GSDMC: variants seen among roughly 807,000 people sequenced by gnomAD.
GSDMC encodes the protein gasdermin-C.
A neutral mutation model predicts 58.0 loss-of-function variants in GSDMC; 59 were observed. The ratio of observed to expected loss-of-function variants is 1.02; its 90% CI spans 0.82 to 1.26. The LOEUF (loss-of-function observed/expected upper bound fraction) is 1.26, where lower values mean the gene tolerates loss of function less well. Among genes scored for constraint, GSDMC ranks in the 50% most tolerant of loss-of-function variants. GSDMC has a pLI of 0.00. For synonymous variants in GSDMC, 241 were observed against 220.2 expected (o/e 1.09, Z -0.83); for missense variants, 659 against 598.5 (o/e 1.10, Z -1.06).
At chr8:129,748,829 T>A in intron 13 of GSDMC, 89 bp from the exon 14 acceptor site, 1 of 1,105,890 alleles carries the variant, frequency 9.0e-7, no homozygotes, top group Non-Finnish European at 1.2e-6. Flanking sequence ...CCATGCAGGA[T>A]AATAAAAGGA....
chr8:129,743,396 T>C (rs1263227818), downstream of GSDMC, among the ~76,000 whole-genome samples: 4 of 152,236 alleles, frequency 2.6e-5, no homozygotes, highest in Non-Finnish European at 5.9e-5. Context: ...TCACACATGA[T>C]ATTTTTTAGC....
chr8:129,752,863 T>C lies in GSDMC; in HGVS notation c.722-43A>G, dbSNP rs965626447. 13 of 1,613,178 alleles carry C rather than the reference T, an allele frequency of 8.1e-6. 1 individual carries two copies. The Admixed American group carries it at 1.5e-4, about 19-fold the overall frequency. On this transcript the variant is annotated intron_variant, in intron 6 of 13. Coordinates refer to ENST00000276708, the MANE Select transcript of GSDMC (RefSeq NM_031415.3). ...GCAGAATGACTGGGTAACTTTACAT[T>C]GAACTCAGTACTGCCTTGTCATAGC... is the stretch of plus-strand genomic sequence containing the variant.
At chr8:129,729,859 C>A in the GSDMC span, 3 of 849,036 alleles carry the variant, frequency 3.5e-6, no homozygotes, top group Middle Eastern at 3.4e-4. Flanking sequence ...ATGCTAGCAC[C>A]ATGACTGTAA....
downstream of GSDMC, among the ~76,000 whole-genome samples, chr8:129,745,136 T>A (rs1442654795): frequency 2.0e-5 from 3 of 152,250 alleles, no homozygotes; most frequent in African/African-American, 7.2e-5. Context: ...AAGTTATCAA[T>A]GACCTCAATG....
At chr8:129,767,997 C>T (rs2033924479) in intron 3 of GSDMC, among the ~76,000 whole-genome samples, 1 of 152,090 alleles carries the variant, frequency 6.6e-6, no homozygotes, top group African/African-American at 2.4e-5. Flanking sequence ...CAGTCAAAAT[C>T]CCCACCCTAT....
chr8:129,742,072 T>C, the GSDMC span, among the ~76,000 whole-genome samples: 1 of 151,254 alleles, frequency 6.6e-6, no homozygotes, highest in Non-Finnish European at 1.5e-5. Context: ...CTCACTTATA[T>C]GAAAAATTTT....
the GSDMC span, among the ~76,000 whole-genome samples, chr8:129,737,119 C>T: frequency 6.6e-6 from 1 of 152,122 alleles, no homozygotes; most frequent in Non-Finnish European, 1.5e-5. Flanking sequence ...AACTACAAAC[C>T]ACTGCTCAAT....
At chr8:129,776,738 C>CTGCTGTTGTTGTTGTTGTTGT (rs774217991) in intron 2 of GSDMC, among the ~76,000 whole-genome samples, 56 of 151,016 alleles carry the variant, frequency 3.7e-4, no homozygotes, top group African/African-American at 1.3e-3. Context: ...TTGGTTTTTG[C>CTGCTGTTGTTGTTGTTGTTGT]TGTTGTTGTT....
chr8:129,760,793 C>A (rs1475638948), intron 5 of GSDMC, among the ~76,000 whole-genome samples: 1 of 152,212 alleles, frequency 6.6e-6, no homozygotes, highest in Admixed American at 6.5e-5. Flanking sequence ...TGCCATCCAA[C>A]TTTTGGAAAT....
At chr8:129,771,709 A>T (rs2034054179) in intron 3 of GSDMC, among the ~76,000 whole-genome samples, 1 of 152,108 alleles carries the variant, frequency 6.6e-6, no homozygotes, top group South Asian at 2.1e-4. Flanking sequence ...TCCAATAACA[A>T]TGGCACAAAA....
chr8:129,735,089 T>A, the GSDMC span, among the ~76,000 whole-genome samples: 1 of 152,148 alleles, frequency 6.6e-6, no homozygotes, highest in Non-Finnish European at 1.5e-5. Flanking sequence ...AGGGATCAAT[T>A]CAACAAGAAG....
At chr8:129,732,654 T>C in the GSDMC span, among the ~76,000 whole-genome samples, 239 of 152,238 alleles carry the variant, frequency 1.6e-3, 1 homozygote, top group African/African-American at 5.3e-3. Flanking sequence ...CAGGACAAGG[T>C]TGAAAATCAA....
At chr8:129,713,332 C>A in the GSDMC span, among the ~76,000 whole-genome samples, 1 of 152,108 alleles carries the variant, frequency 6.6e-6, no homozygotes, top group South Asian at 2.1e-4. Context: ...GCAGGAGCCC[C>A]AAGAATGGTG....
intron 5 of GSDMC, among the ~76,000 whole-genome samples, chr8:129,762,006 A>G (rs2130441381): frequency 6.6e-6 from 1 of 152,306 alleles, no homozygotes; most frequent in Admixed American, 6.5e-5. Flanking sequence ...AAGGGAGAAA[A>G]CAAGGACTCT....
At chr8:129,753,639 C>T (rs2033311545) in intron 6 of GSDMC, among the ~76,000 whole-genome samples, 1 of 152,172 alleles carries the variant, frequency 6.6e-6, no homozygotes, top group Admixed American at 6.5e-5. Flanking sequence ...GGAGGCTTTG[C>T]CTTGCATCTT....
Position 129,762,633 on chromosome 8 carries a change from C to T in GSDMC, c.669G>A (p.Lys223=), listed in dbSNP as rs1430267712. The T allele has an allele frequency of 1.9e-6, 3 of 1,608,010 alleles. No individual in the cohort carries two copies. In the Admixed American group the frequency reaches 5.0e-5, roughly 27 times the overall value. Residue 223 remains lysine (K), a synonymous_variant, in exon 5 of 14, where the codon AAG becomes AAA. Transcript: ENST00000276708. ...GAGCTCCGCTGCTCCCACCTTTCTC[C>T]TTGATAACCAGCTGCTTTCTCTTAT... ...MAYKRKQLVI[K]EKAILISDDD...
chr8:129,729,014 T>C, the GSDMC span: 2 of 655,200 alleles, frequency 3.1e-6, no homozygotes, highest in Non-Finnish European at 5.8e-6. Flanking sequence ...ACGATGAGGA[T>C]GAAAATTTAA....
Position 129,765,627 on chromosome 8 carries a change from C to T in GSDMC, c.570+1G>A, listed in dbSNP as rs2033828502. The T allele has an allele frequency of 2.5e-6, 4 of 1,611,128 alleles. No homozygotes were observed. The highest frequency in any genetic ancestry group is 3.4e-6 in the Non-Finnish European group (4 of 1,177,382). ...AATCCCACTTCAGGACAACTTTATACCTTGCCATAGGTAATCCAAAGAGCA... is the reference window on the plus strand; with the variant it reads ...AATCCCACTTCAGGACAACTTTATATCTTGCCATAGGTAATCCAAAGAGCA... On this transcript the variant is annotated splice_donor_variant, in intron 4 of 13. Transcript: ENST00000276708. LOFTEE classifies it high-confidence loss of function.
chr8:129,782,245 G>A (rs77272150), intron 1 of GSDMC, among the ~76,000 whole-genome samples: 2,947 of 152,158 alleles, frequency 0.019, 84 homozygotes, highest in African/African-American at 0.065. Context: ...AGCTATAAGT[G>A]TCTACATCAA....
Sources: allele counts gnomAD v4.1 joint callset (sites outside exome capture counted in the v4.1 genomes callset), GRCh38; gene constraint gnomAD v4.1.1; transcripts MANE v1.5; gene names NCBI Gene and HGNC (gene_info 2026-07-23, HGNC 2026-07-21).